ATAD2B: variants seen among roughly 807,000 people sequenced by gnomAD.
ATAD2B encodes ATPase family AAA domain containing 2B, also known as ATPase family AAA domain-containing protein 2B.
Under a neutral mutation model 167.6 loss-of-function variants are expected in ATAD2B, and 40 were observed. That is an observed-to-expected ratio of 0.24 (90% confidence interval 0.19 to 0.31). ATAD2B has a LOEUF of 0.31. Ranked by LOEUF, ATAD2B falls within the 10% of genes least tolerant of loss-of-function variation. The pLI, the probability that ATAD2B is intolerant of heterozygous loss-of-function variation, is 1.00. For synonymous variants in ATAD2B, 579 were observed against 596.5 expected, an observed-to-expected ratio of 0.97 and a Z score of 0.43; for missense variants, 1,242 against 1,757.2, an observed-to-expected ratio of 0.71 and a Z score of 5.24.
At chr2:23,865,397 C>T (rs975974132) in intron 10 of ATAD2B, among the ~76,000 whole-genome samples, 1 of 151,904 alleles carries the variant, frequency 6.6e-6, no homozygotes, top group Non-Finnish European at 1.5e-5. Context: ...GGCATGGTGG[C>T]GCACGCCTGT....
chr2:23,716,597 C>A, the ATAD2B span, among the ~76,000 whole-genome samples: 1 of 152,098 alleles, frequency 6.6e-6, no homozygotes, highest in East Asian at 1.9e-4. Context: ...CTTTCCATTG[C>A]CTCCCAGTTT....
intron 13 of ATAD2B, among the ~76,000 whole-genome samples, chr2:23,834,447 C>A (rs1689600521): frequency 6.6e-6 from 1 of 151,926 alleles, no homozygotes; most frequent in African/African-American, 2.4e-5. Flanking sequence ...CGGACGTGAG[C>A]CATGGTACCC....
intron 22 of ATAD2B, among the ~76,000 whole-genome samples, chr2:23,769,189 C>T (rs1677911973): frequency 6.6e-6 from 1 of 152,022 alleles, no homozygotes; most frequent in Admixed American, 6.6e-5. Flanking sequence ...GCCTGTAATC[C>T]CAGCACTTTG....
the ATAD2B span, among the ~76,000 whole-genome samples, chr2:23,716,989 G>GGAGGATGGAGGC: frequency 6.6e-6 from 1 of 152,194 alleles, no homozygotes; most frequent in Admixed American, 6.5e-5. Context: ...AAATAACTTA[G>GGAGGATGGAGGC]GAGGATGGAG....
intron 8 of ATAD2B, chr2:23,872,956 T>C (rs1194240499): frequency 2.7e-6 from 2 of 750,810 alleles, no homozygotes; most frequent in Non-Finnish European, 5.0e-6. Context: ...GCTGAAGCAG[T>C]TCTCCAGGTT....
At chr2:23,822,564 C>G (rs911508477) in intron 16 of ATAD2B, among the ~76,000 whole-genome samples, 26 of 151,554 alleles carry the variant, frequency 1.7e-4, no homozygotes, top group African/African-American at 5.1e-4. Context: ...AAATTACCAG[C>G]CTACATCTCC....
intron 18 of ATAD2B, among the ~76,000 whole-genome samples, chr2:23,799,001 C>T (rs1335377134): frequency 6.6e-6 from 1 of 152,092 alleles, no homozygotes; most frequent in African/African-American, 2.4e-5. Context: ...AAGTCTTAAC[C>T]ATAGTTTCAA....
At chr2:23,688,201 C>T in the ATAD2B span, among the ~76,000 whole-genome samples, 2 of 152,202 alleles carry the variant, frequency 1.3e-5, no homozygotes, top group Non-Finnish European at 2.9e-5. Flanking sequence ...CTGAGCCACA[C>T]AAATCCCCAA....
intron 2 of ATAD2B, among the ~76,000 whole-genome samples, chr2:23,892,981 A>T (rs1699747859): frequency 6.6e-6 from 1 of 152,206 alleles, no homozygotes; most frequent in Admixed American, 6.5e-5. Flanking sequence ...TTCTATATAC[A>T]ATATAAAAAC....
chr2:23,900,358 C>T (rs1225041472), intron 1 of ATAD2B, among the ~76,000 whole-genome samples: 2 of 152,166 alleles, frequency 1.3e-5, no homozygotes, highest in Non-Finnish European at 2.9e-5. Context: ...TGAGCCACCA[C>T]GCCCAGCTTT....
the ATAD2B span, chr2:23,697,987 C>G: frequency 1.3e-5 from 2 of 152,226 alleles, no homozygotes; most frequent in African/African-American, 4.8e-5. Context: ...TCCTAAGACA[C>G]TGATTACTCA....
At position 23,880,788 on chromosome 2, in the gene ATAD2B, G is replaced by T. The variant is rs201289288; in HGVS notation, c.785-33C>A. 3.1e-6 allele frequency: 4 copies of T among 1,296,504 alleles called. No individual in the cohort carries two copies. The East Asian group carries it at 9.4e-5, about 30-fold the overall frequency. The allele number at this position is 1,296,504 out of a possible 1,614,324, so 80.3% of individuals were successfully genotyped here. A position where few individuals can be genotyped will look rare whatever the true frequency, so the allele number is the denominator to read the frequency against. On this transcript the variant is annotated intron_variant, in intron 6 of 27. Transcript: ENST00000238789. The stretch of plus-strand genomic sequence containing the variant: ...CCCACACACAAAAAGAAAAGAAAAA[G>T]GCATTATTTTAATTCAAAAGGATTG...
chr2:23,786,406 G>A (rs2149405575), intron 20 of ATAD2B, among the ~76,000 whole-genome samples, 183 bp from the exon 21 acceptor site: 1 of 152,172 alleles, frequency 6.6e-6, no homozygotes, highest in Middle Eastern at 3.4e-3. Context: ...AACATCATAA[G>A]AGTATACCTG....
the ATAD2B span, among the ~76,000 whole-genome samples, chr2:23,730,665 CAAAAA>C: frequency 2.5e-4 from 8 of 31,988 alleles, no homozygotes; most frequent in African/African-American, 4.6e-4. Flanking sequence ...GACTCCGTTT[CAAAAA>C]AAAAAAAAAA....
chr2:23,743,282 TG>T, the ATAD2B span, among the ~76,000 whole-genome samples: 1 of 152,112 alleles, frequency 6.6e-6, no homozygotes, highest in Non-Finnish European at 1.5e-5. Context: ...TAACAAGAGT[TG>T]GGGCCAGGCG....
chr2:23,864,145 C>T (rs1694821265), intron 11 of ATAD2B, among the ~76,000 whole-genome samples: 1 of 151,782 alleles, frequency 6.6e-6, no homozygotes, highest in Admixed American at 6.6e-5. Flanking sequence ...GCTGGGATTA[C>T]AGAGGCATGA....
At chr2:23,818,895 T>G (rs1414682370) in intron 17 of ATAD2B, among the ~76,000 whole-genome samples, 1 of 152,186 alleles carries the variant, frequency 6.6e-6, no homozygotes, top group East Asian at 1.9e-4. Context: ...ACACAGATAA[T>G]AAAAGGGTAA....
chr2:23,745,537 T>G (rs954773184), downstream of ATAD2B, among the ~76,000 whole-genome samples: 2 of 152,080 alleles, frequency 1.3e-5, no homozygotes, highest in African/African-American at 2.4e-5. Flanking sequence ...GGGTTAAAAA[T>G]TCAATCTCTA....
At chr2:23,863,982 G>C (rs1694790095) in intron 11 of ATAD2B, among the ~76,000 whole-genome samples, 1 of 151,184 alleles carries the variant, frequency 6.6e-6, no homozygotes, top group African/African-American at 2.4e-5. Flanking sequence ...ACATTTATCA[G>C]TTTAAATCTA....
Sources: allele counts gnomAD v4.1 joint callset (sites outside exome capture counted in the v4.1 genomes callset), GRCh38; gene constraint gnomAD v4.1.1; transcripts MANE v1.5; gene names NCBI Gene and HGNC (gene_info 2026-07-23, HGNC 2026-07-21).